PHACTR3: variants seen among roughly 807,000 people sequenced by gnomAD.
The protein encoded by PHACTR3 is protein phosphatase 1, regulatory subunit 123.
In PHACTR3, 16 loss-of-function variants were observed where a neutral mutation model predicts 66.8. The observed-to-expected ratio is 0.24, with a 90% confidence interval of 0.16 to 0.36. The LOEUF (loss-of-function observed/expected upper bound fraction) is 0.36. Ranked by LOEUF, PHACTR3 falls within the 10% of genes least tolerant of loss-of-function variation. The probability of loss-of-function intolerance (pLI) is 1.00; values close to 1 mark genes in which losing one functional copy is unlikely to be tolerated. For missense variants in PHACTR3, 647 were observed against 719.9 expected, an observed-to-expected ratio of 0.90 and a Z score of 1.16; for synonymous variants, 323 against 292.1, an observed-to-expected ratio of 1.11 and a Z score of -1.08.
rs532738761 is a variant in PHACTR3, at chr20:59,798,531, TAATA to T, written c.1175-7505_1175-7502del. Among the ~76,000 whole-genome samples the T allele has an allele frequency of 2.8e-4, 42 of 152,344 alleles. No individual in the cohort carries two copies. The South Asian group carries it at 8.5e-3, about 31-fold the overall frequency. On this transcript the variant is annotated intron_variant, in intron 7 of 12. Transcript: ENST00000371015. Reference sequence around the variant, plus strand: ...GATTTTTAATTAGAAATTCTATTTTTAATAAATATAGGTCCATTCTGGTTACATA... The same window carrying T: ...GATTTTTAATTAGAAATTCTATTTTTAATATAGGTCCATTCTGGTTACATA...
intron 1 of PHACTR3, among the ~76,000 whole-genome samples, chr20:59,684,271 C>A (rs2036774352): frequency 1.3e-5 from 2 of 152,242 alleles, no homozygotes; most frequent in East Asian, 3.9e-4. Context: ...TATTGGGGTC[C>A]CTTTTTGACA....
intron 7 of PHACTR3, among the ~76,000 whole-genome samples, chr20:59,803,996 G>C (rs1675207644): frequency 6.6e-6 from 1 of 152,170 alleles, no homozygotes; most frequent in South Asian, 2.1e-4. Flanking sequence ...GCCTGCTCTG[G>C]GAAGGCATGC....
chr20:59,703,955 G>C (rs2037603090), intron 1 of PHACTR3, among the ~76,000 whole-genome samples: 1 of 152,160 alleles, frequency 6.6e-6, no homozygotes, highest in Admixed American at 6.5e-5. Flanking sequence ...TTTCTAAATA[G>C]TGGGCTGTTA....
At chr20:59,750,898 C>T (rs1404479305) in intron 3 of PHACTR3, among the ~76,000 whole-genome samples, 6 of 152,218 alleles carry the variant, frequency 3.9e-5, no homozygotes, top group Non-Finnish European at 1.5e-5. Context: ...CGGCTAAATC[C>T]TTCCCTGCAC....
At chr20:59,624,409 T>G (rs1029761591) in intron 1 of PHACTR3, among the ~76,000 whole-genome samples, 1 of 152,082 alleles carries the variant, frequency 6.6e-6, no homozygotes, top group Non-Finnish European at 1.5e-5. Flanking sequence ...CTGGGTCCCT[T>G]CCCAGAGCTC....
chr20:59,824,669 C>T (rs2042134387), intron 8 of PHACTR3, among the ~76,000 whole-genome samples: 1 of 152,200 alleles, frequency 6.6e-6, no homozygotes, highest in Non-Finnish European at 1.5e-5. Flanking sequence ...TGTTCACACA[C>T]ATCAGAAATC....
chr20:59,585,200 GC>G (rs2032986806), intron 1 of PHACTR3, among the ~76,000 whole-genome samples: 1 of 152,140 alleles, frequency 6.6e-6, no homozygotes, highest in South Asian at 2.1e-4. Flanking sequence ...TCCCACTTCT[GC>G]CTTAGAATCG....
intron 7 of PHACTR3, among the ~76,000 whole-genome samples, chr20:59,791,025 G>C (rs1022023761): frequency 6.6e-6 from 1 of 152,266 alleles, no homozygotes; most frequent in African/African-American, 2.4e-5. Context: ...ATTCACCAGG[G>C]AGGTGAGGGT....
intron 3 of PHACTR3, 52 bp downstream of exon 3, chr20:59,747,887 A>G: frequency 6.3e-7 from 1 of 1,579,090 alleles, no homozygotes; most frequent in Non-Finnish European, 8.7e-7. Context: ...GGAATGCAGA[A>G]TGGAAAGTCT....
chr20:59,690,096 TCAAAACAAAA>T (rs897213777), intron 1 of PHACTR3, among the ~76,000 whole-genome samples: 1 of 152,038 alleles, frequency 6.6e-6, no homozygotes, highest in Admixed American at 6.6e-5. Flanking sequence ...GCTTGTAAAA[TCAAAACAAAA>T]CAAAACAAAA....
intron 11 of PHACTR3, among the ~76,000 whole-genome samples, chr20:59,842,103 T>G (rs1231029630): frequency 2.0e-5 from 3 of 152,070 alleles, no homozygotes; most frequent in Non-Finnish European, 2.9e-5. Flanking sequence ...ACTGAACAGC[T>G]AGAGAGGCAG....
intron 1 of PHACTR3, among the ~76,000 whole-genome samples, chr20:59,579,839 G>T (rs750737096): frequency 4.6e-5 from 7 of 152,144 alleles, no homozygotes; most frequent in Non-Finnish European, 1.0e-4. Context: ...GTAGGTTTGG[G>T]GTCTGAGCAC....
At chr20:59,649,405 G>C (rs2035387581) in intron 1 of PHACTR3, among the ~76,000 whole-genome samples, 2 of 152,144 alleles carry the variant, frequency 1.3e-5, no homozygotes, top group South Asian at 2.1e-4. Flanking sequence ...ATTCAACAAA[G>C]AGTTAATTAT....
In PHACTR3 at chr20:59,583,556, G is replaced by A. The variant is rs575336867; in HGVS notation, c.109+5939G>A. 2.4e-3 allele frequency among the ~76,000 whole-genome samples: 367 copies of A among 152,358 alleles called. 2 individuals are homozygous for A. The highest frequency in any genetic ancestry group is 8.2e-3 in the African/African-American group (342 of 41,588). On this transcript the variant is annotated intron_variant, in intron 1 of 12. Coordinates refer to the PHACTR3 transcript ENST00000359926. ...GCCGGCCCCAGGAGGGAGGCTCCCCGCGTGCCCGCCTACGCAAGCAGCCTC... is the reference window on the plus strand; with the variant it reads ...GCCGGCCCCAGGAGGGAGGCTCCCCACGTGCCCGCCTACGCAAGCAGCCTC...
intron 1 of PHACTR3, among the ~76,000 whole-genome samples, chr20:59,650,062 T>C (rs1474362122): frequency 6.6e-6 from 1 of 152,134 alleles, no homozygotes; most frequent in Non-Finnish European, 1.5e-5. Context: ...CACAATGCAA[T>C]ACAAAATGTG....
At chr20:59,631,892 G>A (rs1233637572) in intron 1 of PHACTR3, among the ~76,000 whole-genome samples, 3 of 152,166 alleles carry the variant, frequency 2.0e-5, no homozygotes, top group Non-Finnish European at 4.4e-5. Context: ...CAGAGCTGAG[G>A]TCTGTGTTCC....
At chr20:59,817,091 A>G (rs1284223935) in intron 8 of PHACTR3, among the ~76,000 whole-genome samples, 3 of 152,254 alleles carry the variant, frequency 2.0e-5, no homozygotes, top group Non-Finnish European at 2.9e-5. Context: ...AGTTTAGTTC[A>G]GTACAATAAG....
chr20:59,785,896 G>A (rs1386603006), intron 7 of PHACTR3, among the ~76,000 whole-genome samples: 1 of 11,910 alleles, frequency 8.4e-5, no homozygotes, highest in African/African-American at 1.7e-4. Context: ...GTTTTCCAAC[G>A]GCCCTCTGCA....
intron 1 of PHACTR3, among the ~76,000 whole-genome samples, chr20:59,633,314 T>C (rs1405482708): frequency 6.6e-6 from 1 of 152,186 alleles, no homozygotes; most frequent in Non-Finnish European, 1.5e-5. Flanking sequence ...TGGAATACTA[T>C]GCAGCCATAA....
Sources: gnomAD v4.1 joint callset for allele counts (sites outside exome capture counted in the v4.1 genomes callset) on GRCh38, gnomAD v4.1.1 for gene constraint, MANE v1.5 for transcripts, NCBI Gene and HGNC (gene_info 2026-07-23, HGNC 2026-07-21) for gene names.